Variants in SF3A3 observed in about 807,000 individuals in gnomAD.
The protein encoded by SF3A3 is splicing factor 3a subunit 3, also known as SAP 61.
In SF3A3, 9 loss-of-function variants were observed where a neutral mutation model predicts 85.8. The observed-to-expected ratio is 0.10, with a 90% confidence interval of 0.06 to 0.18. The LOEUF (loss-of-function observed/expected upper bound fraction) is 0.18, where lower values mean the gene tolerates loss of function less well. SF3A3 is among the 10% of genes least tolerant of loss of function. The pLI is 1.00. For missense variants in SF3A3, 306 were observed against 593.3 expected, an observed-to-expected ratio of 0.52 and a Z score of 5.03; for synonymous variants, 195 against 204.4, an observed-to-expected ratio of 0.95 and a Z score of 0.39.
intron 4 of SF3A3, among the ~76,000 whole-genome samples, chr1:37,985,579 G>C (rs1646450645): frequency 6.6e-6 from 1 of 152,152 alleles, no homozygotes; most frequent in Non-Finnish European, 1.5e-5. Flanking sequence ...TGCCTGCATA[G>C]GTTTTTGTTT....
At chr1:37,964,126 C>G (rs886546614) in intron 15 of SF3A3, among the ~76,000 whole-genome samples, 3 of 151,972 alleles carry the variant, frequency 2.0e-5, no homozygotes, top group African/African-American at 7.2e-5. Context: ...TTGCAGTGAG[C>G]AGAGATTGCG....
intron 13 of SF3A3, 33 bp from the exon 14 acceptor site, chr1:37,969,497 A>C: frequency 6.2e-7 from 1 of 1,612,512 alleles, no homozygotes; most frequent in Admixed American, 1.7e-5. Context: ...AAAACCAAGA[A>C]GTGTTAGCCT....
At chr1:37,972,344 A>G (rs1441823977) in intron 12 of SF3A3, among the ~76,000 whole-genome samples, 1 of 152,132 alleles carries the variant, frequency 6.6e-6, no homozygotes, top group Non-Finnish European at 1.5e-5. Context: ...CCACTGCTCA[A>G]CGAAATGAAA....
chr1:37,989,540 G>A lies in SF3A3; in HGVS notation c.144+8C>T, dbSNP rs1646480167. 1 of 1,612,946 alleles carries A rather than the reference G, an allele frequency of 6.2e-7. No individual in the cohort carries two copies. Among genetic ancestry groups the A allele is most frequent in the Non-Finnish European group, 8.5e-7 (1 of 1,179,710 alleles). On this transcript the variant is annotated splice_region_variant and intron_variant, in intron 2 of 16. Transcript: ENST00000373019. ...AACCCAAAGAGAGGCAGACAGCTGGGCACTCACATCTTGCATGGCCCGAGT... is the reference window on the plus strand; with the variant it reads ...AACCCAAAGAGAGGCAGACAGCTGGACACTCACATCTTGCATGGCCCGAGT...
At chr1:37,966,117 C>T (rs1402264707) in intron 15 of SF3A3, among the ~76,000 whole-genome samples, 2 of 151,888 alleles carry the variant, frequency 1.3e-5, no homozygotes, top group African/African-American at 2.4e-5. Flanking sequence ...GCAGGAGAAT[C>T]GCTTGGAACC....
At chr1:37,974,073 A>G (rs7364802) in intron 12 of SF3A3, among the ~76,000 whole-genome samples, 137,928 of 151,922 alleles carry the variant, frequency 0.91, 62,761 homozygotes, top group East Asian at 1. Context: ...ACACATCGGG[A>G]CCTGTTGTGG....
chr1:37,984,134 G>C (rs1646439326), intron 6 of SF3A3, 35 bp downstream of exon 6: 1 of 1,228,606 alleles, frequency 8.1e-7, no homozygotes, highest in African/African-American at 1.5e-5. Context: ...CTCACTTCGA[G>C]AATCAGAACC....
intron 11 of SF3A3, 69 bp from the exon 12 acceptor site, chr1:37,977,022 G>A (rs1646383746): frequency 1.9e-6 from 2 of 1,068,078 alleles, no homozygotes; most frequent in Middle Eastern, 2.0e-4. Flanking sequence ...CTATATCTGG[G>A]AACATTTATT....
In SF3A3 at chr1:37,957,056, C is replaced by T. The variant is rs1646222797; in HGVS notation, c.*1130G>A. On this transcript the variant is annotated 3_prime_UTR_variant, in exon 17 of 17. Coordinates refer to ENST00000373019, the MANE Select transcript of SF3A3 (RefSeq NM_006802.4). The stretch of plus-strand genomic sequence containing the variant: ...AAATGGGGTCTCTGGGGGATCCTGT[C>T]CTGCAGCAGGCCTGACTTTCAGATG... 6.6e-6 allele frequency: 1 copy of T among 152,130 alleles called. No individual in the cohort carries two copies. The highest frequency in any genetic ancestry group is 2.4e-5 in the African/African-American group (1 of 41,430). The allele number at this position is 152,130 out of a possible 1,614,324, so 9.4% of individuals were successfully genotyped here. A position where few individuals can be genotyped will look rare whatever the true frequency, so the allele number is the denominator to read the frequency against.
chr1:37,968,036 T>G lies in SF3A3; in HGVS notation c.1372+8A>C. On this transcript the variant is annotated splice_region_variant and intron_variant, in intron 15 of 16. Transcript: ENST00000373019. ...TCGCCTAGGAGACAGTAAATAAATC[T>G]TACTTACAGGAGACAGCATCTTCAA... is the stretch of plus-strand genomic sequence containing the variant. 6.3e-7 allele frequency: 1 copy of G among 1,589,248 alleles called. No homozygotes were observed. Among genetic ancestry groups the G allele is most frequent in the Non-Finnish European group, 8.6e-7 (1 of 1,157,298 alleles).
chr1:37,962,566 G>A (rs1237268014), intron 15 of SF3A3, among the ~76,000 whole-genome samples: 3 of 128,388 alleles, frequency 2.3e-5, no homozygotes, highest in Admixed American at 9.7e-5. Flanking sequence ...TCGTGCTATT[G>A]CACTCCAGTC....
chr1:37,965,802 A>G (rs1646295462), intron 15 of SF3A3, among the ~76,000 whole-genome samples: 1 of 143,162 alleles, frequency 7.0e-6, no homozygotes, highest in African/African-American at 2.6e-5. Flanking sequence ...AACTGAGAGT[A>G]AAGTGCCTGT....
At chr1:37,987,409 G>GA (rs1461147038) in intron 4 of SF3A3, among the ~76,000 whole-genome samples, 164 bp downstream of exon 4, 14 of 152,216 alleles carry the variant, frequency 9.2e-5, no homozygotes, top group African/African-American at 3.1e-4. Context: ...GGGAGATACT[G>GA]AAAACACTGT....
chr1:37,961,759 CAAAAAAAA>C (rs10699691), intron 15 of SF3A3, among the ~76,000 whole-genome samples: 13 of 37,802 alleles, frequency 3.4e-4, no homozygotes, highest in African/African-American at 1.0e-3. Flanking sequence ...GCAAGACTGC[CAAAAAAAA>C]AAAAAAAAAA....
At chr1:37,983,079 C>T (rs2148723573) in intron 6 of SF3A3, among the ~76,000 whole-genome samples, 1 of 151,840 alleles carries the variant, frequency 6.6e-6, no homozygotes, top group East Asian at 2.0e-4. Context: ...GCTAGGATTA[C>T]AGGCATGCGC....
intron 15 of SF3A3, among the ~76,000 whole-genome samples, chr1:37,962,079 C>G (rs958830326): frequency 2.6e-5 from 3 of 115,240 alleles, no homozygotes; most frequent in African/African-American, 7.0e-5. Flanking sequence ...AGCGAAACTC[C>G]GTCTCAAAAA....
intron 11 of SF3A3, among the ~76,000 whole-genome samples, chr1:37,977,859 C>A (rs1318570178): frequency 6.6e-6 from 1 of 150,828 alleles, no homozygotes; most frequent in African/African-American, 2.4e-5. Context: ...AAACAAAAAA[C>A]ACACAAAAAT....
intron 15 of SF3A3, among the ~76,000 whole-genome samples, chr1:37,964,935 C>T (rs938423759): frequency 6.6e-6 from 1 of 151,936 alleles, no homozygotes; most frequent in Admixed American, 6.6e-5. Flanking sequence ...AATGCGGGTG[C>T]ATCACTTGAG....
At position 37,960,124 on chromosome 1, in the gene SF3A3, G is replaced by A. The variant is rs1451772900; in HGVS notation, c.1424C>T (p.Thr475Ile). 1.9e-6 allele frequency: 3 copies of A among 1,613,702 alleles called. No individual in the cohort carries two copies. In the Admixed American group the frequency reaches 5.0e-5, roughly 27 times the overall value. The change falls in exon 16 of 17, where the codon ACT (threonine) becomes ATT (isoleucine). Residue 475 changes from threonine to isoleucine, a missense_variant. Thr to Ile is a moderately conservative substitution (Grantham distance 89). Coordinates refer to ENST00000373019, the MANE Select transcript of SF3A3 (RefSeq NM_006802.4). ...ACCATCCACATTAGTACCCACCTCA[G>A]TGTCAGGCTGCCATCGTTCTGAAGC... ...QKASERWQPD[T>I]EEEYEDSSGN...
Sources: gnomAD v4.1 joint callset for allele counts (sites outside exome capture counted in the v4.1 genomes callset) on GRCh38, gnomAD v4.1.1 for gene constraint, MANE v1.5 for transcripts, NCBI Gene and HGNC (gene_info 2026-07-23, HGNC 2026-07-21) for gene names.